Variants in STK33 observed in about 807,000 individuals in gnomAD.
STK33 encodes serine/threonine kinase 33.
Under a neutral mutation model 58.0 loss-of-function variants are expected in STK33, and 52 were observed. The observed-to-expected ratio is 0.90, with a 90% CI of 0.72 to 1.13. STK33 has a LOEUF of 1.13. STK33 is among the 50% of genes most tolerant of loss of function. The pLI, the probability that STK33 is intolerant of heterozygous loss-of-function variation, is 0.00. For missense variants in STK33, 630 were observed against 604.2 expected (o/e 1.04, Z -0.45); for synonymous variants, 215 against 200.1 (o/e 1.07, Z -0.63).
intron 1 of STK33, among the ~76,000 whole-genome samples, chr11:8,522,545 T>C (rs1953567072): frequency 6.6e-6 from 1 of 151,718 alleles, no homozygotes; most frequent in Non-Finnish European, 1.5e-5. Context: ...ACTCAAGAAA[T>C]GAAAGTGTAA....
At chr11:8,364,342 C>T in the STK33 span, among the ~76,000 whole-genome samples, 1 of 152,208 alleles carries the variant, frequency 6.6e-6, no homozygotes, top group Non-Finnish European at 1.5e-5. Flanking sequence ...CTAATTCCTT[C>T]TTTCAGTTGG....
intron 1 of STK33, among the ~76,000 whole-genome samples, chr11:8,498,337 C>T (rs1591494109): frequency 1.3e-5 from 2 of 152,102 alleles, no homozygotes; most frequent in South Asian, 4.1e-4. Context: ...CTCCCATTCA[C>T]AATTGCTACA....
downstream of STK33, among the ~76,000 whole-genome samples, chr11:8,387,873 C>A (rs959759768): frequency 5.8e-5 from 8 of 138,952 alleles, no homozygotes; most frequent in Non-Finnish European, 1.1e-4. Flanking sequence ...ATGGAGACAA[C>A]TTTTTGTGCT....
At chr11:8,483,430 C>G (rs973718767) in intron 1 of STK33, among the ~76,000 whole-genome samples, 5 of 152,070 alleles carry the variant, frequency 3.3e-5, no homozygotes, top group African/African-American at 4.8e-5. Flanking sequence ...AGAATAGGCA[C>G]AAAAGATGGA....
At chr11:8,447,893 G>A (rs1226657817) in intron 11 of STK33, among the ~76,000 whole-genome samples, 3 of 152,172 alleles carry the variant, frequency 2.0e-5, no homozygotes, top group Non-Finnish European at 4.4e-5. Flanking sequence ...AAACCCCACT[G>A]TCTCAGCCTA....
chr11:8,448,562 G>GCCATATGTAGCTATGTA (rs1945830712), intron 11 of STK33, among the ~76,000 whole-genome samples: 1 of 152,088 alleles, frequency 6.6e-6, no homozygotes, highest in African/African-American at 2.4e-5. Context: ...AATGGTGCTG[G>GCCATATGTAGCTATGTA]GAAAACTGGC....
chr11:8,589,546 T>C (rs2032264829), intron 1 of STK33, among the ~76,000 whole-genome samples: 2 of 152,186 alleles, frequency 1.3e-5, no homozygotes, highest in African/African-American at 2.4e-5. Context: ...GGATTCTTCC[T>C]GAGGGTGATA....
chr11:8,418,343 T>C (rs1282075242), intron 14 of STK33, among the ~76,000 whole-genome samples: 1 of 152,178 alleles, frequency 6.6e-6, no homozygotes, highest in Non-Finnish European at 1.5e-5. Flanking sequence ...ATGTGCTATT[T>C]GGTTTTCTGT....
At chr11:8,536,972 A>ATTTTTTT (rs1232336873) in intron 1 of STK33, among the ~76,000 whole-genome samples, 17 of 65,736 alleles carry the variant, frequency 2.6e-4, no homozygotes, top group Admixed American at 5.8e-4. Flanking sequence ...AAAAAAAAAG[A>ATTTTTTT]TTTTTTTTTT....
chr11:8,542,371 A>G (rs1955587914), intron 1 of STK33, among the ~76,000 whole-genome samples: 1 of 152,236 alleles, frequency 6.6e-6, no homozygotes, highest in African/African-American at 2.4e-5. Context: ...ACAACACAAA[A>G]TACATTTCAA....
chr11:8,463,879 G>A (rs1038382974), intron 7 of STK33, among the ~76,000 whole-genome samples: 5 of 152,136 alleles, frequency 3.3e-5, no homozygotes, highest in African/African-American at 7.2e-5. Flanking sequence ...GTAGCACTTA[G>A]GATGCTACCC....
In STK33 at chr11:8,392,409, T is replaced by A; in HGVS notation, c.*101A>T. On this transcript the variant is annotated 3_prime_UTR_variant, in exon 16 of 16. Coordinates refer to ENST00000687296, the MANE Select transcript of STK33 (RefSeq NM_001352389.2). Reference sequence around the variant, plus strand: ...GCGGGGCTCTGTGGAGCTAAAAGGCTACAAGCTCAGCATAGGGCTGTCTTC... The same window carrying A: ...GCGGGGCTCTGTGGAGCTAAAAGGCAACAAGCTCAGCATAGGGCTGTCTTC... 1 of 1,377,044 alleles carries A rather than the reference T, an allele frequency of 7.3e-7. No individual in the cohort carries two copies. The allele number at this position is 1,377,044 out of a possible 1,614,324, so 85.3% of individuals were successfully genotyped here. A position where few individuals can be genotyped will look rare whatever the true frequency, so the allele number is the denominator to read the frequency against.
intron 15 of STK33, 95 bp downstream of exon 15, chr11:8,413,400 A>C: frequency 7.3e-7 from 1 of 1,363,616 alleles, no homozygotes; most frequent in East Asian, 2.3e-5. Context: ...CTTTGTTACA[A>C]ACTAACAACA....
At chr11:8,486,260 T>C (rs1389531270) in intron 1 of STK33, among the ~76,000 whole-genome samples, 1 of 152,334 alleles carries the variant, frequency 6.6e-6, no homozygotes, top group African/African-American at 2.4e-5. Context: ...TAACATGACA[T>C]ACAGGAGCCT....
the STK33 span, among the ~76,000 whole-genome samples, chr11:8,341,139 G>A: frequency 6.6e-6 from 1 of 152,226 alleles, no homozygotes; most frequent in South Asian, 2.1e-4. Context: ...TTACAGGCGT[G>A]AGCCACTGCA....
chr11:8,432,745 T>C (rs1046355284), intron 14 of STK33, among the ~76,000 whole-genome samples: 2 of 152,222 alleles, frequency 1.3e-5, no homozygotes, highest in African/African-American at 4.8e-5. Context: ...ACAGGGGATA[T>C]GAATCATAGA....
At chr11:8,448,266 G>A (rs1453254441) in intron 11 of STK33, among the ~76,000 whole-genome samples, 1 of 152,110 alleles carries the variant, frequency 6.6e-6, no homozygotes, top group Non-Finnish European at 1.5e-5. Flanking sequence ...TTTCTTCACA[G>A]AATTGGAAAA....
intron 14 of STK33, among the ~76,000 whole-genome samples, chr11:8,415,147 T>C (rs1415591723): frequency 6.6e-6 from 1 of 152,032 alleles, no homozygotes; most frequent in Non-Finnish European, 1.5e-5. Flanking sequence ...GTGACCAGGG[T>C]CCTGGAATGC....
At chr11:8,434,356 A>G (rs2136230119) in intron 14 of STK33, 1 of 153,528 alleles carries the variant, frequency 6.5e-6, no homozygotes, top group Non-Finnish European at 1.5e-5. Context: ...TAATAGATTT[A>G]TAATTTTTAA....
Sources: gnomAD v4.1 joint callset for allele counts (sites outside exome capture counted in the v4.1 genomes callset) on GRCh38, gnomAD v4.1.1 for gene constraint, MANE v1.5 for transcripts, NCBI Gene and HGNC (gene_info 2026-07-23, HGNC 2026-07-21) for gene names.